Variants in KCNQ1OT1 observed in about 807,000 individuals in gnomAD.
KCNQ1OT1 encodes KCNQ1 antisense RNA 2 (non-protein coding).
exon 1 of KCNQ1OT1, chr11:2,689,524 C>A (rs1226365571): frequency 2.5e-6 from 1 of 398,512 alleles, no homozygotes; most frequent in East Asian, 3.6e-5. Context: ...TGGTCCCTGT[C>A]CCAGCATGAA....
In KCNQ1OT1 at chr11:2,651,383, C is replaced by T. The variant is rs1025825418; in HGVS notation, n.48612G>A. On this transcript the variant is annotated non_coding_transcript_exon_variant, in exon 1 of 1. Transcript: ENST00000597346. This position sits in a 1 kb window ranked among gnomAD's most constrained non-coding sequence, Gnocchi z 6.1. Reference sequence around the variant, plus strand: ...TATCTTTCACTAGTGAGTGCTGCCCCGGTGGTGGCTCACTTTCCATTCCTT... The same window carrying T: ...TATCTTTCACTAGTGAGTGCTGCCCTGGTGGTGGCTCACTTTCCATTCCTT... 6.5e-5 allele frequency: 26 copies of T among 398,590 alleles called. No individual in the cohort carries two copies. Among genetic ancestry groups the T allele is most frequent in the Admixed American group, 2.2e-4 (5 of 22,726 alleles). 24.7% of individuals were successfully genotyped at this position (398,590 alleles called of 1,614,324 possible). A position where few individuals can be genotyped will look rare whatever the true frequency, so the allele number is the denominator to read the frequency against.
exon 1 of KCNQ1OT1, chr11:2,614,746 T>G (rs929886906): frequency 1.3e-5 from 5 of 398,338 alleles, no homozygotes; most frequent in Admixed American, 4.4e-5. Flanking sequence ...TCCATCCTTG[T>G]GTCCTAGAGA....
exon 1 of KCNQ1OT1, chr11:2,644,983 A>G: frequency 2.5e-6 from 1 of 398,636 alleles, no homozygotes. Flanking sequence ...ATGGTAGTGT[A>G]TGCTGGTACC....
In KCNQ1OT1 at chr11:2,654,468, A is replaced by C. The variant is rs1001491577; in HGVS notation, n.45527T>G. The C allele has an allele frequency of 2.5e-6, 1 of 398,512 alleles. No individual in the cohort carries two copies. Among genetic ancestry groups the C allele is most frequent in the Admixed American group, 4.4e-5 (1 of 22,706 alleles). 24.7% of individuals were successfully genotyped at this position (398,512 alleles called of 1,614,324 possible). A position where few individuals can be genotyped will look rare whatever the true frequency, so the allele number is the denominator to read the frequency against. On this transcript the variant is annotated non_coding_transcript_exon_variant, in exon 1 of 1. Transcript: ENST00000597346. This position sits in a 1 kb window ranked among gnomAD's most constrained non-coding sequence, Gnocchi z 6.4. ...CCCGTGCTGAGCGCCAGGCACACAT[A>C]AGCCCTGCAGCCGTACAGGGGAGGG...
In KCNQ1OT1 at chr11:2,653,305, T is replaced by G. The variant is rs1163088718; in HGVS notation, n.46690A>C. On this transcript the variant is annotated non_coding_transcript_exon_variant, in exon 1 of 1. Coordinates refer to ENST00000597346, the Ensembl canonical transcript of KCNQ1OT1. The surrounding 1 kb of genome is among the most constrained non-coding windows in gnomAD (Gnocchi z 5.3). ...GGGGCAGTGCAGACCAGTTTAGCTA[T>G]TTTGTAACCTTGACTGCCCCCAGGC... The G allele has an allele frequency of 2.5e-6, 1 of 398,570 alleles. No homozygotes were observed. Among genetic ancestry groups the G allele is most frequent in the East Asian group, 3.6e-5 (1 of 28,080 alleles). 24.7% of individuals were successfully genotyped at this position (398,570 alleles called of 1,614,324 possible).
In KCNQ1OT1 at chr11:2,686,577, C is replaced by T. The variant is rs1211114277; in HGVS notation, n.13418G>A. On this transcript the variant is annotated non_coding_transcript_exon_variant, in exon 1 of 1. Coordinates refer to ENST00000597346, the Ensembl canonical transcript of KCNQ1OT1. ...GCTCCTGCAAGGACAGCTGTGGTGA[C>T]TAGAATGGCAGCTTGGCTACTAGCA... is the stretch of plus-strand genomic sequence containing the variant. The T allele has an allele frequency of 7.5e-6, 3 of 398,690 alleles. No homozygotes were observed. In the South Asian group the frequency reaches 3.8e-4, roughly 51 times the overall value. 24.7% of individuals were successfully genotyped at this position (398,690 alleles called of 1,614,324 possible). A position where few individuals can be genotyped will look rare whatever the true frequency, so the allele number is the denominator to read the frequency against.
Position 2,653,098 on chromosome 11 carries a change from G to C in KCNQ1OT1, n.46897C>G, listed in dbSNP as rs1590008163. On this transcript the variant is annotated non_coding_transcript_exon_variant, in exon 1 of 1. Coordinates refer to ENST00000597346, the Ensembl canonical transcript of KCNQ1OT1. The surrounding 1 kb of genome is among the most constrained non-coding windows in gnomAD (Gnocchi z 5.3). ...CTCATACAGCAGGGTGTGGAGAGAG[G>C]CTCACTGAAGGTTTGGGGAGATGAG... 1 of 398,594 alleles carries C rather than the reference G, an allele frequency of 2.5e-6. No individual in the cohort carries two copies. 24.7% of individuals were successfully genotyped at this position (398,594 alleles called of 1,614,324 possible).
exon 1 of KCNQ1OT1, chr11:2,656,068 GA>G (rs1849841724): frequency 2.5e-6 from 1 of 398,522 alleles, no homozygotes. Flanking sequence ...TCAGGCTTTG[GA>G]GATGGGCACT....
rs1016609237 is a variant in KCNQ1OT1, at chr11:2,693,650, G to A, written n.6345C>T. On this transcript the variant is annotated non_coding_transcript_exon_variant, in exon 1 of 1. Transcript: ENST00000597346. ...GCCGTAGGAAAGGCTCTGGGAGAAA[G>A]GCTTTTAGTTCCGCAGACAGAGCAG... 6 of 398,550 alleles carry A rather than the reference G, an allele frequency of 1.5e-5. No individual in the cohort carries two copies. The Admixed American group carries it at 2.6e-4, about 18-fold the overall frequency. 24.7% of individuals were successfully genotyped at this position (398,550 alleles called of 1,614,324 possible).
At chr11:2,692,370 T>G (rs905953533) in exon 1 of KCNQ1OT1, 39 of 398,808 alleles carry the variant, frequency 9.8e-5, no homozygotes, top group Non-Finnish European at 1.4e-4. Context: ...TAACTGGCAT[T>G]CTCACATCCC....
chr11:2,625,703 G>A (rs1271443584), exon 1 of KCNQ1OT1: 5 of 397,238 alleles, frequency 1.3e-5, no homozygotes, highest in Non-Finnish European at 2.2e-5. Flanking sequence ...CCGAGTAGCT[G>A]GGACTACAGG....
chr11:2,644,304 T>A (rs1055174364), exon 1 of KCNQ1OT1: 3 of 398,354 alleles, frequency 7.5e-6, no homozygotes, highest in African/African-American at 2.1e-5. Flanking sequence ...GTCTGAGTCA[T>A]TTCAAAAGAC....
exon 1 of KCNQ1OT1, chr11:2,665,367 GA>G: frequency 2.5e-6 from 1 of 398,192 alleles, no homozygotes; most frequent in Non-Finnish European, 4.4e-6. Context: ...GCACCCCCAT[GA>G]CAAGAGGAGC....
At position 2,669,333 on chromosome 11, in the gene KCNQ1OT1, C is replaced by T. The variant is rs1338302336; in HGVS notation, n.30662G>A. ...TGCCATGGAAAGCCTCCTCTAGGCG[C>T]AGCAGCCTCTAGATGGGCATGGGAG... is the stretch of plus-strand genomic sequence containing the variant. On this transcript the variant is annotated non_coding_transcript_exon_variant, in exon 1 of 1. Transcript: ENST00000597346. The surrounding 1 kb of genome is among the most constrained non-coding windows in gnomAD (Gnocchi z 5.6). 2.5e-6 allele frequency: 1 copy of T among 398,532 alleles called. No individual in the cohort carries two copies. The highest frequency in any genetic ancestry group is 4.4e-6 in the Non-Finnish European group (1 of 226,082). The allele number at this position is 398,532 out of a possible 1,614,324, so 24.7% of individuals were successfully genotyped here. A position where few individuals can be genotyped will look rare whatever the true frequency, so the allele number is the denominator to read the frequency against.
rs1254704152 is a variant in KCNQ1OT1, at chr11:2,698,303, T to C, written n.1692A>G. 2 of 398,506 alleles carry C rather than the reference T, an allele frequency of 5.0e-6. No homozygotes were observed. Among genetic ancestry groups the C allele is most frequent in the African/African-American group, 4.1e-5 (2 of 48,628 alleles). The allele number at this position is 398,506 out of a possible 1,614,324, so 24.7% of individuals were successfully genotyped here. On this transcript the variant is annotated non_coding_transcript_exon_variant, in exon 1 of 1. Coordinates refer to ENST00000597346, the Ensembl canonical transcript of KCNQ1OT1. The surrounding 1 kb of genome is among the most constrained non-coding windows in gnomAD (Gnocchi z 5.1). ...ATTCTACCTGGATGAATTATTCTCT[T>C]TCATAACCAGAACAGTGCTGTGGGA...
Position 2,682,774 on chromosome 11 carries a change from G to C in KCNQ1OT1, n.17221C>G, listed in dbSNP as rs911562744. ...CTCTGTTGACATTCTAGAAATGCAG[G>C]GAAATCTGGGCACCATGAAATGCAG... On this transcript the variant is annotated non_coding_transcript_exon_variant, in exon 1 of 1. Coordinates refer to ENST00000597346, the Ensembl canonical transcript of KCNQ1OT1. This position sits in a 1 kb window ranked among gnomAD's most constrained non-coding sequence, Gnocchi z 5.8. 2 of 398,628 alleles carry C rather than the reference G, an allele frequency of 5.0e-6. No homozygotes were observed. Among genetic ancestry groups the C allele is most frequent in the Non-Finnish European group, 4.4e-6 (1 of 226,082 alleles). 24.7% of individuals were successfully genotyped at this position (398,628 alleles called of 1,614,324 possible).
rs2133855380 is a variant in KCNQ1OT1 at position 2,661,591 on chromosome 11, C to T, written n.38404G>A. On this transcript the variant is annotated non_coding_transcript_exon_variant, in exon 1 of 1. Transcript: ENST00000597346. This position sits in a 1 kb window ranked among gnomAD's most constrained non-coding sequence, Gnocchi z 5.9. Reference sequence around the variant, plus strand: ...ATGTATGGTGGTGGGAGCTGTTGTCCCTTACCAGGCCTGTGCCTGTCACCT... The same window carrying T: ...ATGTATGGTGGTGGGAGCTGTTGTCTCTTACCAGGCCTGTGCCTGTCACCT... 1 of 563,472 alleles carries T rather than the reference C, an allele frequency of 1.8e-6. No homozygotes were observed. Among genetic ancestry groups the T allele is most frequent in the Non-Finnish European group, 3.2e-6 (1 of 317,000 alleles). The allele number at this position is 563,472 out of a possible 1,614,324, so 34.9% of individuals were successfully genotyped here.
At chr11:2,630,693 T>A (rs1318119416) in exon 1 of KCNQ1OT1, 3 of 398,378 alleles carry the variant, frequency 7.5e-6, no homozygotes, top group Non-Finnish European at 1.3e-5. Context: ...CTTTCATATG[T>A]TTTCATGTTA....
At chr11:2,629,988 C>T (rs548246199) in exon 1 of KCNQ1OT1, 5 of 396,758 alleles carry the variant, frequency 1.3e-5, no homozygotes, top group Non-Finnish European at 2.2e-5. Flanking sequence ...ATATCTTTTT[C>T]TTGTTCCTCA....
Sources: gnomAD v4.1 joint callset for allele counts on GRCh38, gnomAD v4.1.1 for gene constraint, Gnocchi (gnomAD v3.1) non-coding constraint, MANE v1.5 for transcripts, NCBI Gene and HGNC (gene_info 2026-07-23, HGNC 2026-07-21) for gene names.